Variants in GSK3A observed in about 807,000 individuals in gnomAD.
GSK3A encodes glycogen synthase kinase-3 alpha.
Under a neutral mutation model 56.6 loss-of-function variants are expected in GSK3A, and 14 were observed. The ratio of observed to expected loss-of-function variants is 0.25; its 90% CI spans 0.16 to 0.39. The LOEUF (loss-of-function observed/expected upper bound fraction) is 0.39. Among genes scored for constraint, GSK3A ranks in the 10% least tolerant of loss-of-function variants. The pLI is 1.00. For missense variants in GSK3A, 450 were observed against 656.0 expected, an observed-to-expected ratio of 0.69 and a Z score of 3.43; for synonymous variants, 301 against 285.0, an observed-to-expected ratio of 1.06 and a Z score of -0.56.
chr19:42,236,759 T>G (rs780931182), intron 3 of GSK3A, 43 bp from the exon 4 acceptor site: 2 of 1,528,440 alleles, frequency 1.3e-6, no homozygotes, highest in Non-Finnish European at 1.8e-6. Flanking sequence ...GTGAGAAGAG[T>G]GAGGAGGGGG....
chr19:42,242,098 C>T, intron 1 of GSK3A, 85 bp downstream of exon 1: 1 of 1,194,970 alleles, frequency 8.4e-7, no homozygotes. Flanking sequence ...GAGCTCCTAT[C>T]TAAGCACATG....
intron 1 of GSK3A, chr19:42,240,831 T>C (rs1011671183): frequency 6.6e-6 from 1 of 152,254 alleles, no homozygotes; most frequent in Admixed American, 6.5e-5. Flanking sequence ...AAGCACCAAA[T>C]TATGATAATG....
Position 42,242,266 on chromosome 19 carries a change from C to A in GSK3A, c.200G>T (p.Gly67Val). Residue 67 changes from glycine (G) to valine (V), a missense_variant, in exon 1 of 11, where the codon GGT becomes GTT. Gly to Val is a moderately radical substitution (Grantham distance 109). Transcript: ENST00000222330. ...GGGVGASSSG[G>V]GPGGSGGGGS... Reference sequence around the variant, plus strand: ...TCCTCCGCCGCTGCCGCCGGGTCCACCCCCGGAGCTCGAGGCCCCGACGCC... The same window carrying A: ...TCCTCCGCCGCTGCCGCCGGGTCCAACCCCGGAGCTCGAGGCCCCGACGCC... 7.0e-7 allele frequency: 1 copy of A among 1,436,608 alleles called. No individual in the cohort carries two copies. Among genetic ancestry groups the A allele is most frequent in the Admixed American group, 2.8e-5 (1 of 35,614 alleles). 89.0% of individuals were successfully genotyped at this position (1,436,608 alleles called of 1,614,324 possible).
intron 7 of GSK3A, 32 bp from the exon 8 acceptor site, chr19:42,233,237 G>GGCCCTTGTCTCAGA: frequency 6.3e-7 from 1 of 1,589,492 alleles, no homozygotes; most frequent in African/African-American, 1.3e-5. Flanking sequence ...TGAGACAAGG[G>GGCCCTTGTCTCAGA]CCCCATCCCT....
At position 42,242,488 on chromosome 19, in the gene GSK3A, T is replaced by C. The variant is rs972598744; in HGVS notation, c.-23A>G. ...CATGGCGCCGAGCACAGGCCCAGGCTGCGGGGCTCGGGCTGCCCGGGCTGC... is the reference window on the plus strand; with the variant it reads ...CATGGCGCCGAGCACAGGCCCAGGCCGCGGGGCTCGGGCTGCCCGGGCTGC... On this transcript the variant is annotated 5_prime_UTR_variant, in exon 1 of 11. Coordinates refer to ENST00000222330, the MANE Select transcript of GSK3A (RefSeq NM_019884.3). 20 of 1,137,594 alleles carry C rather than the reference T, an allele frequency of 1.8e-5. No individual in the cohort carries two copies. The highest frequency in any genetic ancestry group is 3.7e-4 in the Middle Eastern group (1 of 2,682). The allele number at this position is 1,137,594 out of a possible 1,614,324, so 70.5% of individuals were successfully genotyped here.
chr19:42,237,254 G>C (rs1030878638), intron 2 of GSK3A, among the ~76,000 whole-genome samples: 1 of 151,684 alleles, frequency 6.6e-6, no homozygotes, highest in Non-Finnish European at 1.5e-5. Context: ...TGCCTCCCTG[G>C]GTCAAGCAAT....
Position 42,242,242 on chromosome 19 carries a change from C to A in GSK3A, c.224G>T (p.Gly75Val). Residue 75 changes from glycine (G) to valine (V), a missense_variant, in exon 1 of 11, where the codon GGA becomes GTA. By Grantham distance (109) the Gly-to-Val change is moderately radical. Around this residue, in one of 3 missense-constraint regions of GSK3A, gnomAD observed 193 missense variants for 200.5 expected, o/e 0.96. Coordinates refer to ENST00000222330, the MANE Select transcript of GSK3A (RefSeq NM_019884.3). The stretch of plus-strand genomic sequence containing the variant: ...GCCTGCGCCGGGGCCTCCGCTGCCT[C>A]CTCCGCCGCTGCCGCCGGGTCCACC... Reference protein sequence around the residue: ...SGGGPGGSGGGGSGGPGAGTS... With the variant: ...SGGGPGGSGGVGSGGPGAGTS... 7.0e-7 allele frequency: 1 copy of A among 1,438,498 alleles called. No homozygotes were observed. Among genetic ancestry groups the A allele is most frequent in the Non-Finnish European group, 9.1e-7 (1 of 1,100,326 alleles). The allele number at this position is 1,438,498 out of a possible 1,614,324, so 89.1% of individuals were successfully genotyped here.
At chr19:42,240,199 A>C in intron 1 of GSK3A, 57 bp from the exon 2 acceptor site, 7 of 1,470,330 alleles carry the variant, frequency 4.8e-6, no homozygotes, top group African/African-American at 1.4e-5. Context: ...GCATCACCCT[A>C]TCCTGGGGCT....
intron 1 of GSK3A, 135 bp downstream of exon 1, chr19:42,242,048 G>A (rs1371896051): frequency 1.4e-6 from 1 of 699,328 alleles, no homozygotes; most frequent in Non-Finnish European, 2.0e-6. Context: ...CTGGGAGGAA[G>A]AGGGCTCGGA....
intron 2 of GSK3A, among the ~76,000 whole-genome samples, chr19:42,238,904 G>A (rs922539635): frequency 6.6e-6 from 1 of 152,048 alleles, no homozygotes; most frequent in African/African-American, 2.4e-5. Flanking sequence ...GGGAGGCAGA[G>A]GTTGTAGCGG....
At position 42,236,620 on chromosome 19, in the gene GSK3A, T is replaced by C; in HGVS notation, c.652A>G (p.Ile218Val). ...HFTKAKLTIP[I>V]LYVKVYMYQL... ...TGCTGGCCTACCTTGACATAGAGGATAGGGATGGTCAACTTGGCCTTGGTG... is the reference window on the plus strand; with the variant it reads ...TGCTGGCCTACCTTGACATAGAGGACAGGGATGGTCAACTTGGCCTTGGTG... Residue 218 changes from isoleucine (I) to valine (V), a missense_variant, in exon 4 of 11, where the codon ATC becomes GTC. Coordinates refer to ENST00000222330, the MANE Select transcript of GSK3A (RefSeq NM_019884.3). 2.5e-6 allele frequency: 4 copies of C among 1,608,726 alleles called. No homozygotes were observed. The highest frequency in any genetic ancestry group is 1.3e-5 in the African/African-American group (1 of 74,898).
intron 1 of GSK3A, 76 bp from the exon 2 acceptor site, chr19:42,240,218 A>G (rs1428478599): frequency 7.3e-7 from 1 of 1,368,442 alleles, no homozygotes. Context: ...CTGTGGGAGG[A>G]AGGGAAATCT....
rs991987644 is a variant in GSK3A at position 42,230,830 on chromosome 19, C to T, written c.1416G>A (p.Ser472=). The T allele has an allele frequency of 7.7e-6, 12 of 1,563,190 alleles. No individual in the cohort carries two copies. In the African/African-American group the frequency reaches 8.2e-5, roughly 11 times the overall value. Residue 472 remains serine (S), a synonymous_variant, in exon 11 of 11, where the codon TCG becomes TCA. Transcript: ENST00000222330. ...TETPTSSDWQ[S]TDATPTLTNS... Reference sequence around the variant, plus strand: ...TAGTGAGGGTAGGTGTGGCATCGGTCGACTGCCAGTCTGAGCTGGTCGGAG... The same window carrying T: ...TAGTGAGGGTAGGTGTGGCATCGGTTGACTGCCAGTCTGAGCTGGTCGGAG...
At chr19:42,236,330 C>G (rs1376692468) in intron 4 of GSK3A, among the ~76,000 whole-genome samples, 2 of 152,198 alleles carry the variant, frequency 1.3e-5, no homozygotes, top group African/African-American at 4.8e-5. Context: ...TCTCTGGTGC[C>G]ACTGGACTCC....
rs189868104 is a variant in GSK3A, at chr19:42,239,701, T to C, written c.471+254A>G. Among the ~76,000 whole-genome samples the C allele has an allele frequency of 3.3e-3, 503 of 152,342 alleles. 5 individuals are homozygous for C. The highest frequency in any genetic ancestry group is 0.012 in the African/African-American group (488 of 41,582). On this transcript the variant is annotated intron_variant, in intron 2 of 10. Transcript: ENST00000222330. ...TTAGAATGGGTATAACCACAGTACCTACCCTCAGAGAATCTTTATGTAAAT... is the reference window on the plus strand; with the variant it reads ...TTAGAATGGGTATAACCACAGTACCCACCCTCAGAGAATCTTTATGTAAAT...
At chr19:42,232,732 C>A in intron 8 of GSK3A, 50 bp from the exon 9 acceptor site, 1 of 1,423,656 alleles carries the variant, frequency 7.0e-7, no homozygotes, top group Non-Finnish European at 9.5e-7. Flanking sequence ...TGGACACTGG[C>A]ATACTCCTGT....
Position 42,242,205 on chromosome 19 carries a change from CG to C in GSK3A, c.260del (p.Pro87ArgfsTer5), listed in dbSNP as rs1391253925. On this transcript the variant is annotated frameshift_variant, in exon 1 of 11. Transcript: ENST00000222330. LOFTEE classifies it high-confidence loss of function. Reference protein sequence around the residue: ...SGGPGAGTSFPPPGVKLGRDS... With the variant: ...SGGPGAGTSFXPPGVKLGRDS... ...CACGGCCCAGCTTCACCCCGGGCGG[CG>C]GGAAGCTAGTGCCTGCGCCGGGGCC... 1 of 1,439,012 alleles carries C rather than the reference CG, an allele frequency of 6.9e-7. No individual in the cohort carries two copies. The highest frequency in any genetic ancestry group is 1.5e-5 in the African/African-American group (1 of 67,634). 89.1% of individuals were successfully genotyped at this position (1,439,012 alleles called of 1,614,324 possible).
intron 2 of GSK3A, among the ~76,000 whole-genome samples, chr19:42,239,076 C>A (rs1259135132): frequency 6.6e-6 from 1 of 152,192 alleles, no homozygotes; most frequent in African/African-American, 2.4e-5. Flanking sequence ...GTGGAAGCAT[C>A]TGGGTCCTCG....
rs1398075648 is a variant in GSK3A at position 42,242,388 on chromosome 19, G to C, written c.78C>G (p.Gly26=). Residue 26 remains glycine, a synonymous_variant, in exon 1 of 11, where the codon GGC becomes GGG. Transcript: ENST00000222330. ...CGCCGCCGCCTCCTCCGCCTCCGCC[G>C]CCGGGCTCCGCGAACGAGCTAGTCC... The part of the protein sequence containing the change: ...RARTSSFAEP[G]GGGGGGGGGP... 52 of 1,387,890 alleles carry C rather than the reference G, an allele frequency of 3.7e-5. 1 individual carries two copies. Among genetic ancestry groups the C allele is most frequent in the Non-Finnish European group, 4.8e-5 (51 of 1,072,500 alleles). The allele number at this position is 1,387,890 out of a possible 1,614,324, so 86.0% of individuals were successfully genotyped here.
Sources: allele counts gnomAD v4.1 joint callset (sites outside exome capture counted in the v4.1 genomes callset), GRCh38; gene constraint gnomAD v4.1.1; regional missense constraint gnomAD v4.1.1; transcripts MANE v1.5; gene names NCBI Gene and HGNC (gene_info 2026-07-23, HGNC 2026-07-21).